Variants in SYNDIG1 observed in about 807,000 individuals in gnomAD.
The protein encoded by SYNDIG1 is synapse differentiation-inducing gene protein 1.
SYNDIG1 carries 9 observed loss-of-function variants against 19.4 expected under a neutral mutation model. That is an observed-to-expected ratio of 0.46 (90% CI 0.28 to 0.81). The LOEUF (loss-of-function observed/expected upper bound fraction) is 0.81, where lower values mean the gene tolerates loss of function less well. SYNDIG1 is among the 30% of genes least tolerant of loss of function. SYNDIG1 has a pLI of 0.12. For synonymous variants in SYNDIG1, 141 were observed against 145.9 expected, an observed-to-expected ratio of 0.97 and a Z score of 0.24; for missense variants, 311 against 343.3, an observed-to-expected ratio of 0.91 and a Z score of 0.74.
rs935980444 is a variant in SYNDIG1, at chr20:24,637,720, G to A, written c.619-27626G>A. On this transcript the variant is annotated intron_variant, in intron 3 of 3. Coordinates refer to ENST00000376862, the MANE Select transcript of SYNDIG1 (RefSeq NM_024893.3). Reference sequence around the variant, plus strand: ...GCTCTGCCAGCAGGCACCAGTCAAAGGTCCAGCAGTAAAAGGTGTACAGGT... The same window carrying A: ...GCTCTGCCAGCAGGCACCAGTCAAAAGTCCAGCAGTAAAAGGTGTACAGGT... Among the ~76,000 whole-genome samples, 4 of 152,226 alleles carry A rather than the reference G, an allele frequency of 2.6e-5. No individual in the cohort carries two copies. In the East Asian group the frequency reaches 7.7e-4, roughly 29 times the overall value.
intron 1 of SYNDIG1, chr20:24,495,946 G>C (rs747372583): frequency 6.6e-6 from 1 of 152,158 alleles, no homozygotes; most frequent in East Asian, 1.9e-4. Flanking sequence ...CTGGGTTCAC[G>C]CCATTCTCCT....
rs575659009 is a variant in SYNDIG1 at position 24,573,762 on chromosome 20, C to G, written c.481-11094C>G. Among the ~76,000 whole-genome samples the G allele has an allele frequency of 2.0e-5, 3 of 152,344 alleles. No individual in the cohort carries two copies. The South Asian group carries it at 6.2e-4, about 32-fold the overall frequency. On this transcript the variant is annotated intron_variant, in intron 2 of 3. Coordinates refer to ENST00000376862, the MANE Select transcript of SYNDIG1 (RefSeq NM_024893.3). The stretch of plus-strand genomic sequence containing the variant: ...TCGTCATGTGTCTGTCACCTCCTCT[C>G]AAGTGTCCCAGAGTCTCATGGTCGT...
At chr20:24,645,941 G>T (rs549846747) in intron 3 of SYNDIG1, among the ~76,000 whole-genome samples, 1 of 152,138 alleles carries the variant, frequency 6.6e-6, no homozygotes, top group Non-Finnish European at 1.5e-5. Context: ...CACCCTTCTC[G>T]CCTGGATAGA....
At chr20:24,603,896 A>G (rs2058715151) in intron 3 of SYNDIG1, among the ~76,000 whole-genome samples, 1 of 152,126 alleles carries the variant, frequency 6.6e-6, no homozygotes, top group Non-Finnish European at 1.5e-5. Flanking sequence ...ATTCTCCTCC[A>G]CTCAACTGCC....
intron 3 of SYNDIG1, among the ~76,000 whole-genome samples, chr20:24,617,858 T>G (rs1416901927): frequency 1.3e-3 from 13 of 10,352 alleles, no homozygotes; most frequent in East Asian, 2.0e-3. Flanking sequence ...GGGGAGGGTA[T>G]GGGAGTGGGG....
intron 3 of SYNDIG1, among the ~76,000 whole-genome samples, chr20:24,633,861 G>A (rs548924323): frequency 6.6e-6 from 1 of 152,228 alleles, no homozygotes; most frequent in African/African-American, 2.4e-5. Context: ...CAGGGTTGTT[G>A]GGGTGTGGGC....
intron 2 of SYNDIG1, among the ~76,000 whole-genome samples, chr20:24,559,921 A>G (rs1304635310): frequency 2.0e-5 from 3 of 149,678 alleles, no homozygotes; most frequent in African/African-American, 7.4e-5. Context: ...CAATAATGTA[A>G]TTGCCATGTC....
chr20:24,664,444 AG>A (rs1052217156), intron 3 of SYNDIG1, among the ~76,000 whole-genome samples: 2 of 152,158 alleles, frequency 1.3e-5, no homozygotes, highest in Non-Finnish European at 2.9e-5. Context: ...TCCTGACCAC[AG>A]GGGGCCCGCG....
At chr20:24,633,489 C>CG (rs1426568576) in intron 3 of SYNDIG1, among the ~76,000 whole-genome samples, 2 of 152,056 alleles carry the variant, frequency 1.3e-5, no homozygotes, top group Non-Finnish European at 2.9e-5. Flanking sequence ...GTAACGTTCA[C>CG]GGGGGGGAAT....
At chr20:24,657,062 C>A (rs2059532783) in intron 3 of SYNDIG1, among the ~76,000 whole-genome samples, 1 of 152,222 alleles carries the variant, frequency 6.6e-6, no homozygotes, top group Non-Finnish European at 1.5e-5. Context: ...TGAAAAGTCC[C>A]TGAGGCCTCC....
Position 24,658,437 on chromosome 20 carries a change from C to T in SYNDIG1, c.619-6909C>T, listed in dbSNP as rs1288036594. On this transcript the variant is annotated intron_variant, in intron 3 of 3. Coordinates refer to ENST00000376862, the MANE Select transcript of SYNDIG1 (RefSeq NM_024893.3). This position sits in a 1 kb window ranked among gnomAD's most constrained non-coding sequence, Gnocchi z 4.4. ...CAGATTCCACACAGGAGCTGCAGGC[C>T]GTGGACCCCTGAAGTGGACAGGCGC... 4.6e-5 allele frequency among the ~76,000 whole-genome samples: 7 copies of T among 152,146 alleles called. No individual in the cohort carries two copies. The East Asian group carries it at 1.2e-3, about 25-fold the overall frequency.
chr20:24,595,545 T>A (rs991159648), intron 3 of SYNDIG1, among the ~76,000 whole-genome samples: 1 of 152,238 alleles, frequency 6.6e-6, no homozygotes, highest in African/African-American at 2.4e-5. Flanking sequence ...CCTCCTCCAC[T>A]TTTTTGTAAT....
chr20:24,663,544 G>C (rs945004806), intron 3 of SYNDIG1, among the ~76,000 whole-genome samples: 2 of 152,126 alleles, frequency 1.3e-5, no homozygotes, highest in African/African-American at 4.8e-5. Flanking sequence ...TGTCCCCCCA[G>C]AGCCCAGCCC....
chr20:24,642,536 G>T (rs2059388528), intron 3 of SYNDIG1, among the ~76,000 whole-genome samples: 1 of 152,180 alleles, frequency 6.6e-6, no homozygotes, highest in South Asian at 2.1e-4. Context: ...TGGGAGATTT[G>T]TCTACCCTCC....
In SYNDIG1 at chr20:24,666,563, T is replaced by C. The variant is rs1334604870; in HGVS notation, c.*1059T>C. 1 of 152,676 alleles carries C rather than the reference T, an allele frequency of 6.5e-6. No individual in the cohort carries two copies. The highest frequency in any genetic ancestry group is 1.9e-4 in the East Asian group (1 of 5,206). 9.5% of individuals were successfully genotyped at this position (152,676 alleles called of 1,614,324 possible). A position where few individuals can be genotyped will look rare whatever the true frequency, so the allele number is the denominator to read the frequency against. ...TTGCTGTTTTACGAGTGTTCATTAC[T>C]TAACAAAAAATTATCTTTTAGCTTT... is the stretch of plus-strand genomic sequence containing the variant. On this transcript the variant is annotated 3_prime_UTR_variant, in exon 4 of 4. Transcript: ENST00000376862.
rs111256112 is a variant in SYNDIG1 at position 24,574,167 on chromosome 20, G to A, written c.481-10689G>A. Among the ~76,000 whole-genome samples, 1,402 of 152,174 alleles carry A rather than the reference G, an allele frequency of 9.2e-3. 22 individuals are homozygous for A. Among genetic ancestry groups the A allele is most frequent in the African/African-American group, 0.032 (1,309 of 41,498 alleles). On this transcript the variant is annotated intron_variant, in intron 2 of 3. Transcript: ENST00000376862. ...ATCCTTTATTCAAGCTCTGCTGCAA[G>A]GAGCCAGGCCTCAAGAATGCGTTTG... is the stretch of plus-strand genomic sequence containing the variant.
At chr20:24,582,167 T>C in intron 2 of SYNDIG1, among the ~76,000 whole-genome samples, 1 of 114,478 alleles carries the variant, frequency 8.7e-6, no homozygotes. Flanking sequence ...CTGCACTCCC[T>C]CCCGATTGCA....
At chr20:24,542,077 C>T (rs544537150) in intron 1 of SYNDIG1, among the ~76,000 whole-genome samples, 2 of 152,090 alleles carry the variant, frequency 1.3e-5, no homozygotes, top group East Asian at 1.9e-4. Flanking sequence ...AAAGAGATAT[C>T]GAAGGATGCG....
chr20:24,515,125 A>G (rs1292822529), intron 1 of SYNDIG1, among the ~76,000 whole-genome samples: 1 of 152,250 alleles, frequency 6.6e-6, no homozygotes, highest in Non-Finnish European at 1.5e-5. Flanking sequence ...CATTTAAAAC[A>G]GTGTGTAGAG....
Sources: gnomAD v4.1 joint callset for allele counts (sites outside exome capture counted in the v4.1 genomes callset) on GRCh38, gnomAD v4.1.1 for gene constraint, Gnocchi (gnomAD v3.1) non-coding constraint, MANE v1.5 for transcripts, NCBI Gene and HGNC (gene_info 2026-07-23, HGNC 2026-07-21) for gene names.